Variants in CILK1 observed in about 807,000 individuals in gnomAD.
CILK1 encodes the protein ciliogenesis associated kinase 1.
Under a neutral mutation model 79.2 loss-of-function variants are expected in CILK1, and 47 were observed. The ratio of observed to expected loss-of-function variants is 0.59; its 90% CI spans 0.47 to 0.76. CILK1 has a LOEUF of 0.76. Ranked by LOEUF, CILK1 falls within the 30% of genes least tolerant of loss-of-function variation. CILK1 has a pLI of 0.00. For missense variants in CILK1, 660 were observed against 769.5 expected (o/e 0.86, Z 1.68); for synonymous variants, 266 against 275.9 (o/e 0.96, Z 0.36).
At chr6:53,051,281 T>C (rs1041660827) in intron 1 of CILK1, among the ~76,000 whole-genome samples, 4 of 152,240 alleles carry the variant, frequency 2.6e-5, no homozygotes, top group South Asian at 2.1e-4. Flanking sequence ...TTTTAAACTA[T>C]ACAAAGTTTT....
At chr6:53,018,718 C>T (rs913188302) in intron 6 of CILK1, among the ~76,000 whole-genome samples, 1 of 152,092 alleles carries the variant, frequency 6.6e-6, no homozygotes, top group African/African-American at 2.4e-5. Context: ...CATTTCTCTA[C>T]AGGAGACTTC....
chr6:53,019,789 C>T (rs1206920616), intron 5 of CILK1, among the ~76,000 whole-genome samples: 1 of 151,660 alleles, frequency 6.6e-6, no homozygotes, highest in Non-Finnish European at 1.5e-5. Context: ...TTCCAAGTAG[C>T]TGGGACTACT....
At chr6:53,036,251 C>CCTTGGATTAT (rs1317642201) in intron 3 of CILK1, among the ~76,000 whole-genome samples, 2 of 152,084 alleles carry the variant, frequency 1.3e-5, no homozygotes, top group African/African-American at 4.8e-5. Context: ...GAGAAAATGT[C>CCTTGGATTAT]CTTGGATTAT....
At chr6:53,009,761 G>A (rs1260163669) in intron 11 of CILK1, among the ~76,000 whole-genome samples, 194 bp from the exon 12 acceptor site, 1 of 152,224 alleles carries the variant, frequency 6.6e-6, no homozygotes, top group Non-Finnish European at 1.5e-5. Context: ...TGGCCCGAGA[G>A]AGGCCTCTTA....
chr6:53,050,507 G>T (rs1767408113), intron 1 of CILK1, among the ~76,000 whole-genome samples: 1 of 150,968 alleles, frequency 6.6e-6, no homozygotes, highest in African/African-American at 2.4e-5. Context: ...AAGTATATAT[G>T]TAAATATGTG....
chr6:53,038,463 T>C (rs926871100), intron 2 of CILK1, among the ~76,000 whole-genome samples: 1 of 152,200 alleles, frequency 6.6e-6, no homozygotes, highest in Non-Finnish European at 1.5e-5. Context: ...ATGCCACATA[T>C]GGTTACTTGC....
intron 1 of CILK1, among the ~76,000 whole-genome samples, chr6:53,056,444 A>G (rs1186744169): frequency 1.3e-5 from 2 of 152,210 alleles, no homozygotes; most frequent in African/African-American, 4.8e-5. Flanking sequence ...ATGTAAATAC[A>G]TGGGCATGGC....
intron 5 of CILK1, among the ~76,000 whole-genome samples, chr6:53,022,887 C>G (rs750970156): frequency 5.2e-4 from 79 of 151,978 alleles, no homozygotes; most frequent in Non-Finnish European, 1.0e-4. Flanking sequence ...ACATAATAGG[C>G]CCTCCCCTCT....
chr6:53,046,374 C>T (rs1212690258), intron 1 of CILK1, among the ~76,000 whole-genome samples: 1 of 152,136 alleles, frequency 6.6e-6, no homozygotes, highest in African/African-American at 2.4e-5. Context: ...AATGTCCCTT[C>T]CTCATCCACT....
chr6:53,024,147 A>C (rs1019814575), intron 5 of CILK1, among the ~76,000 whole-genome samples: 1 of 152,248 alleles, frequency 6.6e-6, no homozygotes, highest in Admixed American at 6.5e-5. Context: ...TTATGAATAT[A>C]TATTCCACTG....
At chr6:53,050,990 G>C (rs984965658) in intron 1 of CILK1, among the ~76,000 whole-genome samples, 13 of 152,158 alleles carry the variant, frequency 8.5e-5, no homozygotes, top group Non-Finnish European at 1.2e-4. Context: ...AAGATCCACA[G>C]AGCTGTGGGT....
Position 53,002,248 on chromosome 6 carries a change from T to A in CILK1, c.*2901A>T, listed in dbSNP as rs1763976562. 2.0e-5 allele frequency: 3 copies of A among 152,314 alleles called. No homozygotes were observed. The South Asian group carries it at 6.2e-4, about 32-fold the overall frequency. 9.4% of individuals were successfully genotyped at this position (152,314 alleles called of 1,614,324 possible). ...TTTTCCCTACTCTGCTGGCACTACC[T>A]GGGGCACATCAATACCCCTACAACG... On this transcript the variant is annotated 3_prime_UTR_variant, in exon 14 of 14. Coordinates refer to ENST00000676107, the MANE Select transcript of CILK1 (RefSeq NM_014920.5).
intron 5 of CILK1, among the ~76,000 whole-genome samples, chr6:53,024,143 A>C (rs755145811): frequency 5.3e-5 from 8 of 152,206 alleles, no homozygotes; most frequent in Non-Finnish European, 1.0e-4. Flanking sequence ...ATATTTATGA[A>C]TATATATTCC....
At chr6:53,047,464 C>CTTT (rs60611050) in intron 1 of CILK1, among the ~76,000 whole-genome samples, 9 of 70,690 alleles carry the variant, frequency 1.3e-4, no homozygotes, top group East Asian at 4.2e-4. Context: ...CACTACCAGG[C>CTTT]TTTTTTTTTT....
rs1393895487 is a variant in CILK1, at chr6:53,004,536, TATATA to T, written c.*608_*612del. 1.1e-4 allele frequency: 17 copies of T among 152,580 alleles called. No homozygotes were observed. Among genetic ancestry groups the T allele is most frequent in the Admixed American group, 7.2e-4 (11 of 15,298 alleles). The allele number at this position is 152,580 out of a possible 1,614,324, so 9.5% of individuals were successfully genotyped here. On this transcript the variant is annotated 3_prime_UTR_variant, in exon 14 of 14. Transcript: ENST00000676107. Reference sequence around the variant, plus strand: ...GGAACAAAAGTAAAACAAAGTGAATTATATAATATAATAGTCCTTTTAGAACAGCA... The same window carrying T: ...GGAACAAAAGTAAAACAAAGTGAATTATATAATAGTCCTTTTAGAACAGCA...
chr6:53,013,877 G>T lies in CILK1; in HGVS notation c.937C>A (p.Pro313Thr). The T allele has an allele frequency of 6.2e-7, 1 of 1,614,062 alleles. No individual in the cohort carries two copies. Among genetic ancestry groups the T allele is most frequent in the Non-Finnish European group, 8.5e-7 (1 of 1,179,992 alleles). ...GGGACTGGCTTAATATAAGGAGGTG[G>T]GCCTGCCTTTTCCAGGATGCCTTTC... Reference protein sequence around the residue: ...PQKGILEKAGPPPYIKPVPPA... With the variant: ...PQKGILEKAGTPPYIKPVPPA... Residue 313 changes from proline to threonine, a missense_variant, in exon 9 of 14, where the codon CCA becomes ACA. Coordinates refer to ENST00000676107, the MANE Select transcript of CILK1 (RefSeq NM_014920.5).
chr6:53,022,268 A>AGG, intron 5 of CILK1, among the ~76,000 whole-genome samples: 1 of 152,348 alleles, frequency 6.6e-6, no homozygotes, highest in East Asian at 1.9e-4. Flanking sequence ...CTAGACCTTC[A>AGG]TACTCACTCA....
intron 5 of CILK1, among the ~76,000 whole-genome samples, chr6:53,026,081 G>A (rs937455430): frequency 6.6e-6 from 1 of 152,156 alleles, no homozygotes; most frequent in Admixed American, 6.5e-5. Flanking sequence ...TCTGTAAAAT[G>A]GGGAAATAAT....
At chr6:53,058,384 G>GC (rs1358688622) in intron 1 of CILK1, among the ~76,000 whole-genome samples, 1 of 152,116 alleles carries the variant, frequency 6.6e-6, no homozygotes, top group African/African-American at 2.4e-5. Context: ...AATGCAATTT[G>GC]CCCCAGAAAA....
Sources: allele counts gnomAD v4.1 joint callset (sites outside exome capture counted in the v4.1 genomes callset), GRCh38; gene constraint gnomAD v4.1.1; transcripts MANE v1.5; gene names NCBI Gene and HGNC (gene_info 2026-07-23, HGNC 2026-07-21).